The following RBFOX1 variants were observed in gnomAD, a reference collection of about 807,000 sequenced individuals.
RBFOX1 encodes the protein RNA binding protein fox-1 homolog 1.
RBFOX1 carries 8 observed loss-of-function variants against 57.7 expected under a neutral mutation model. The ratio of observed to expected loss-of-function variants is 0.14; its 90% CI spans 0.08 to 0.25. The LOEUF is 0.25. RBFOX1 is among the 10% of genes least tolerant of loss of function. The pLI is 1.00. For missense variants in RBFOX1, 611 were observed against 548.5 expected, an observed-to-expected ratio of 1.11 and a Z score of -1.14; for synonymous variants, 326 against 222.4, an observed-to-expected ratio of 1.47 and a Z score of -4.15.
intron 2 of RBFOX1, among the ~76,000 whole-genome samples, chr16:6,617,107 G>A (rs114100616): frequency 0.013 from 1,964 of 152,158 alleles, 54 homozygotes; most frequent in African/African-American, 0.044. Flanking sequence ...CCACCACGAA[G>A]AGTTTTGGAA....
At chr16:7,625,840 T>C (rs956276034) in intron 10 of RBFOX1, among the ~76,000 whole-genome samples, 1 of 152,230 alleles carries the variant, frequency 6.6e-6, no homozygotes, top group Non-Finnish European at 1.5e-5. Context: ...CATGGCTGCC[T>C]ATCAGAAACC....
intron 1 of RBFOX1, among the ~76,000 whole-genome samples, chr16:6,257,041 G>C (rs1002782350): frequency 6.6e-6 from 1 of 152,164 alleles, no homozygotes; most frequent in Non-Finnish European, 1.5e-5. Flanking sequence ...GGAGTATTTA[G>C]CAGGAAGCAC....
intron 13 of RBFOX1, chr16:7,671,497 C>A (rs1284125249): frequency 8.3e-6 from 12 of 1,439,972 alleles, no homozygotes; most frequent in Non-Finnish European, 1.2e-5. Flanking sequence ...CTGACTTATG[C>A]ATTCTCTTTT....
intron 2 of RBFOX1, among the ~76,000 whole-genome samples, chr16:5,580,344 G>A (rs899158692): frequency 6.6e-6 from 1 of 152,210 alleles, no homozygotes; most frequent in Non-Finnish European, 1.5e-5. Flanking sequence ...TGAGCTTGTG[G>A]GAAAACATCC....
intron 2 of RBFOX1, among the ~76,000 whole-genome samples, chr16:6,427,174 T>A (rs1198368951): frequency 1.3e-5 from 2 of 152,200 alleles, no homozygotes; most frequent in Non-Finnish European, 2.9e-5. Context: ...ATATTAAATG[T>A]TATAAAGTGA....
intron 2 of RBFOX1, among the ~76,000 whole-genome samples, chr16:6,545,558 ACT>A (rs1364520492): frequency 1.3e-5 from 2 of 151,900 alleles, no homozygotes; most frequent in Non-Finnish European, 2.9e-5. Context: ...CTCGGTTTAG[ACT>A]CTGCAGAAAC....
At chr16:5,881,133 G>A (rs2057750819) in intron 4 of RBFOX1, among the ~76,000 whole-genome samples, 1 of 152,266 alleles carries the variant, frequency 6.6e-6, no homozygotes, top group Non-Finnish European at 1.5e-5. Context: ...CGGACTCACT[G>A]TGTTCTATCT....
At chr16:6,602,016 C>T (rs1041147522) in intron 2 of RBFOX1, among the ~76,000 whole-genome samples, 1 of 152,116 alleles carries the variant, frequency 6.6e-6, no homozygotes, top group African/African-American at 2.4e-5. Context: ...GAATGAAGTA[C>T]CTAGAAGCAG....
chr16:7,186,537 A>AACATATTTATATAAATATAAGCTTAG, intron 4 of RBFOX1, among the ~76,000 whole-genome samples: 1 of 61,486 alleles, frequency 1.6e-5, no homozygotes, highest in Non-Finnish European at 4.3e-5. Flanking sequence ...TATAAGCATA[A>AACATATTTATATAAATATAAGCTTAG]ACATATTTAT....
At chr16:6,981,250 T>C (rs1402308454) in intron 3 of RBFOX1, among the ~76,000 whole-genome samples, 1 of 152,032 alleles carries the variant, frequency 6.6e-6, no homozygotes, top group Non-Finnish European at 1.5e-5. Flanking sequence ...CATTGTTTTT[T>C]GTGATTCTCC....
rs545207217 is a variant in RBFOX1 at position 7,605,168 on chromosome 16, T to A, written c.623-2117T>A. On this transcript the variant is annotated intron_variant, in intron 9 of 15. Transcript: ENST00000550418. Reference sequence around the variant, plus strand: ...TATCCTCAGGAATTAGACTTTTTTTTAAAAAAAGGAAGCAGTGGAATTTCA... The same window carrying A: ...TATCCTCAGGAATTAGACTTTTTTTAAAAAAAAGGAAGCAGTGGAATTTCA... Among the ~76,000 whole-genome samples the A allele has an allele frequency of 2.1e-3, 326 of 152,220 alleles. 1 individual carries two copies. Among genetic ancestry groups the A allele is most frequent in the African/African-American group, 3.5e-3 (144 of 41,534 alleles).
At chr16:5,894,346 A>G (rs1008289263) in intron 4 of RBFOX1, among the ~76,000 whole-genome samples, 3 of 152,176 alleles carry the variant, frequency 2.0e-5, no homozygotes, top group African/African-American at 7.2e-5. Context: ...GCAGTGGCAC[A>G]GTTTTGGCTC....
intron 4 of RBFOX1, among the ~76,000 whole-genome samples, chr16:7,476,173 A>T (rs182536907): frequency 4.6e-5 from 7 of 152,138 alleles, no homozygotes; most frequent in Non-Finnish European, 8.8e-5. Context: ...CTGTTTTGCC[A>T]TGTTGCCCAG....
intron 1 of RBFOX1, among the ~76,000 whole-genome samples, chr16:5,384,811 C>T (rs1015313429): frequency 6.6e-6 from 1 of 152,076 alleles, no homozygotes; most frequent in Middle Eastern, 3.2e-3. Flanking sequence ...GGATGCTTCA[C>T]GTATAAATGT....
intron 1 of RBFOX1, among the ~76,000 whole-genome samples, chr16:6,204,910 T>A (rs1472832774): frequency 6.6e-6 from 1 of 152,144 alleles, no homozygotes; most frequent in Non-Finnish European, 1.5e-5. Flanking sequence ...TAACACACGA[T>A]TAAGTTTTGA....
Position 5,392,951 on chromosome 16 carries a change from A to T in RBFOX1, c.220-74265A>T, listed in dbSNP as rs377003679. On this transcript the variant is annotated intron_variant, in intron 1 of 2. Transcript: ENST00000585867. ...CAGATGGTACTCATTTTTTCATTCC[A>T]CATATCTTTATGGAGCCCTAGGGAG... 5.7e-4 allele frequency among the ~76,000 whole-genome samples: 87 copies of T among 152,108 alleles called. 1 individual carries two copies. Among genetic ancestry groups the T allele is most frequent in the African/African-American group, 1.9e-3 (80 of 41,490 alleles).
At chr16:6,721,626 C>T (rs1232451660) in intron 3 of RBFOX1, among the ~76,000 whole-genome samples, 1 of 152,182 alleles carries the variant, frequency 6.6e-6, no homozygotes, top group South Asian at 2.1e-4. Context: ...AACCACCATT[C>T]CACTTTCCCT....
intron 4 of RBFOX1, among the ~76,000 whole-genome samples, chr16:5,955,281 C>T (rs2059604275): frequency 7.6e-6 from 1 of 132,174 alleles, no homozygotes; most frequent in Non-Finnish European, 1.6e-5. Flanking sequence ...GACTCTGTCT[C>T]CCAATAAAAT....
chr16:6,726,454 C>G (rs905495150), intron 3 of RBFOX1, among the ~76,000 whole-genome samples: 4 of 149,600 alleles, frequency 2.7e-5, no homozygotes, highest in Admixed American at 1.3e-4. Context: ...TTAAGATCTG[C>G]TTTAGCTCTT....
Sources: gnomAD v4.1 joint callset for allele counts (sites outside exome capture counted in the v4.1 genomes callset) on GRCh38, gnomAD v4.1.1 for gene constraint, MANE v1.5 for transcripts, NCBI Gene and HGNC (gene_info 2026-07-23, HGNC 2026-07-21) for gene names.